ZNF511: variants seen among roughly 807,000 people sequenced by gnomAD.
The protein encoded by ZNF511 is zinc finger protein 511.
A neutral mutation model predicts 24.8 loss-of-function variants in ZNF511; 26 were observed. That is an observed-to-expected ratio of 1.05 (90% CI 0.77 to 1.46). The LOEUF (loss-of-function observed/expected upper bound fraction) is 1.46. Ranked by LOEUF, ZNF511 falls within the 40% of genes most tolerant of loss-of-function variation. The pLI, the probability that ZNF511 is intolerant of heterozygous loss-of-function variation, is 0.00. For missense variants in ZNF511, 358 were observed against 345.0 expected (o/e 1.04, Z -0.30); for synonymous variants, 144 against 139.6 (o/e 1.03, Z -0.22).
In ZNF511 at chr10:133,311,750, G is replaced by A; in HGVS notation, c.589G>A (p.Glu197Lys). Residue 197 changes from glutamate to lysine, a missense_variant, in exon 5 of 6, where the codon GAG becomes AAG. Transcript: ENST00000361518. ...ASAEAPGDSG[E>K]RSEGEAMEIC... ...AGCAGAAGCCCCAGGGGACAGTGGA[G>A]AGCGGTCAGAAGGGGAGGCCATGGA... The A allele has an allele frequency of 1.2e-6, 2 of 1,613,720 alleles. No homozygotes were observed. Among genetic ancestry groups the A allele is most frequent in the Middle Eastern group, 1.7e-4 (1 of 6,038 alleles).
chr10:133,311,441 G>A (rs909599217), intron 4 of ZNF511, among the ~76,000 whole-genome samples: 11 of 152,240 alleles, frequency 7.2e-5, no homozygotes, highest in Admixed American at 2.0e-4. Context: ...CCGTGGCACC[G>A]TTGGCACCAT....
rs1388668468 is a variant in ZNF511 at position 133,312,958 on chromosome 10, G to A, written c.*92G>A. ...CCGACCTTCTGGTGTGGCCGCCCTG[G>A]GGGCCAGGCCCTCGCCATCCTCCCC... On this transcript the variant is annotated 3_prime_UTR_variant, in exon 6 of 6. Transcript: ENST00000361518. 1.4e-5 allele frequency: 23 copies of A among 1,595,354 alleles called. No individual in the cohort carries two copies. In the South Asian group the frequency reaches 1.8e-4, roughly 12 times the overall value.
intron 5 of ZNF511, 75 bp from the exon 6 acceptor site, chr10:133,312,713 A>G: frequency 6.2e-7 from 1 of 1,607,202 alleles, no homozygotes; most frequent in Admixed American, 1.7e-5. Flanking sequence ...TGAGAAGGAG[A>G]CACACAAGTG....
At chr10:133,312,529 C>T in intron 5 of ZNF511, 1 of 1,368,402 alleles carries the variant, frequency 7.3e-7, no homozygotes, top group Non-Finnish European at 9.4e-7. Context: ...GAAGTCTCAG[C>T]CCCAGAGGGC....
chr10:133,310,949 G>T (rs888144247), intron 4 of ZNF511, among the ~76,000 whole-genome samples: 2 of 151,956 alleles, frequency 1.3e-5, no homozygotes, highest in East Asian at 3.9e-4. Context: ...CTACCAACAC[G>T]CATCGCCGCA....
chr10:133,309,919 C>T lies in ZNF511; in HGVS notation c.371C>T (p.Ala124Val), dbSNP rs1847949709. The change falls in exon 3 of 6, where the codon GCC becomes GTC. Residue 124 changes from alanine (A) to valine (V), a missense_variant. By Grantham distance (64) the Ala-to-Val change is moderately conservative (BLOSUM62 0). Coordinates refer to ENST00000361518, the MANE Select transcript of ZNF511 (RefSeq NM_145806.4). ...TTCCCTTCCGGACACCTGCTGGACG[C>T]CCACATCCTGGAGTGGCACGATTCG... ...RAFPSGHLLD[A>V]HILEWHDSLF... 3.7e-6 allele frequency: 6 copies of T among 1,613,486 alleles called. No homozygotes were observed. The highest frequency in any genetic ancestry group is 5.1e-6 in the Non-Finnish European group (6 of 1,180,036).
At chr10:133,312,480 G>T in intron 5 of ZNF511, 1 of 1,272,930 alleles carries the variant, frequency 7.9e-7, no homozygotes, top group Non-Finnish European at 9.9e-7. Context: ...GGGGGGCTGG[G>T]ACAGTAGGGG....
chr10:133,312,674 A>T, intron 5 of ZNF511, 114 bp from the exon 6 acceptor site: 1 of 1,576,218 alleles, frequency 6.3e-7, no homozygotes, highest in East Asian at 2.3e-5. Flanking sequence ...CCGGCTCTGC[A>T]TTCCGCATGT....
chr10:133,311,869 C>G (rs41317290), intron 5 of ZNF511, 28 bp downstream of exon 5: 3 of 1,613,314 alleles, frequency 1.9e-6, no homozygotes, highest in Non-Finnish European at 2.5e-6. Flanking sequence ...TTCTGAAACC[C>G]GTTCTCAACA....
intron 5 of ZNF511, chr10:133,312,557 C>T: frequency 7.1e-7 from 1 of 1,412,470 alleles, no homozygotes. Flanking sequence ...GAGCCGCCCT[C>T]TCTGCGGAGT....
intron 5 of ZNF511, chr10:133,312,455 C>A: frequency 8.2e-7 from 1 of 1,219,906 alleles, no homozygotes; most frequent in East Asian, 4.1e-5. Flanking sequence ...GGACTTTGGC[C>A]TGTGAATGAG....
At chr10:133,311,680 C>A in intron 4 of ZNF511, 36 bp from the exon 5 acceptor site, 1 of 1,546,156 alleles carries the variant, frequency 6.5e-7, no homozygotes, top group Non-Finnish European at 8.9e-7. Context: ...CTGTGGGAGC[C>A]GTGCAGGGCA....
intron 1 of ZNF511, 127 bp from the exon 2 acceptor site, chr10:133,309,263 G>A: frequency 1.5e-6 from 2 of 1,357,046 alleles, no homozygotes; most frequent in Non-Finnish European, 2.0e-6. Context: ...CGTGGAGTGG[G>A]CGGGGCCTGA....
chr10:133,309,191 A>T, intron 1 of ZNF511, 95 bp downstream of exon 1: 1 of 1,357,286 alleles, frequency 7.4e-7, no homozygotes, highest in Non-Finnish European at 9.7e-7. Context: ...GGGGCCTACG[A>T]CTGCGGGGCG....
intron 4 of ZNF511, among the ~76,000 whole-genome samples, chr10:133,310,838 G>A (rs1476974156): frequency 2.0e-5 from 3 of 151,214 alleles, no homozygotes; most frequent in Non-Finnish European, 4.4e-5. Context: ...GTCTTGCTCT[G>A]ACACCCAGGC....
rs367741436 is a variant in ZNF511 at position 133,312,864 on chromosome 10, T to C, written c.757T>C (p.Ter253ArgextTer1). Residue 253 changes from the stop codon to arginine (R), a stop_lost, in exon 6 of 6, where the codon TGA (stop) becomes CGA (arginine). Transcript: ENST00000361518. ...CAACAAGAAGAAAACCAAACAATGC[T>C]GATAGACTCAGAAAAGGAGTGGGGG... ...KSNKKKTKQC[*>R] 2.5e-6 allele frequency: 4 copies of C among 1,614,162 alleles called. No individual in the cohort carries two copies. The highest frequency in any genetic ancestry group is 1.7e-4 in the Middle Eastern group (1 of 6,060).
rs1847956371 is a variant in ZNF511, at chr10:133,310,146, A to C, written c.430-18A>C. 1 of 1,613,354 alleles carries C rather than the reference A, an allele frequency of 6.2e-7. No individual in the cohort carries two copies. Among genetic ancestry groups the C allele is most frequent in the African/African-American group, 1.3e-5 (1 of 74,918 alleles). The stretch of plus-strand genomic sequence containing the variant: ...GAGGGCCAGGGGTCAGAGGGAGGTG[A>C]CACGGTCTCCATTTCAGTATCAGTG... On this transcript the variant is annotated intron_variant, in intron 3 of 5. Transcript: ENST00000361518.
intron 4 of ZNF511, 141 bp downstream of exon 4, chr10:133,310,429 C>T (rs1170623257): frequency 2.8e-6 from 3 of 1,070,060 alleles, no homozygotes; most frequent in East Asian, 2.5e-5. Flanking sequence ...TACCTGAAGC[C>T]CTGGCAACAC....
At position 133,310,250 on chromosome 10, in the gene ZNF511, C is replaced by T. The variant is rs1589843100; in HGVS notation, c.516C>T (p.Pro172=). 9.3e-6 allele frequency: 15 copies of T among 1,614,008 alleles called. No homozygotes were observed. In the East Asian group the frequency reaches 1.8e-4, roughly 19 times the overall value. Residue 172 remains proline (P), a synonymous_variant, in exon 4 of 6, where the codon CCC becomes CCT. Transcript: ENST00000361518. ...ACATGGTGAGGATGCACCTGTACCC[C>T]GCGGACTTCCGGTTTGATAAGCCAA... ...KDHMVRMHLY[P]ADFRFDKPKK... is the part of the protein sequence containing the mutation.
Sources: allele counts gnomAD v4.1 joint callset (sites outside exome capture counted in the v4.1 genomes callset), GRCh38; gene constraint gnomAD v4.1.1; transcripts MANE v1.5; gene names NCBI Gene and HGNC (gene_info 2026-07-23, HGNC 2026-07-21).